Variants in NCAM1 observed in about 807,000 individuals in gnomAD.
NCAM1 encodes neural cell adhesion molecule 1.
NCAM1 carries 14 observed loss-of-function variants against 109.8 expected under a neutral mutation model. The ratio of observed to expected loss-of-function variants is 0.13; its 90% CI spans 0.08 to 0.20. The LOEUF (loss-of-function observed/expected upper bound fraction) is 0.20, where lower values mean the gene tolerates loss of function less well. Among genes scored for constraint, NCAM1 ranks in the 10% least tolerant of loss-of-function variants. The pLI, the probability that NCAM1 is intolerant of heterozygous loss-of-function variation, is 1.00. For missense variants in NCAM1, 774 were observed against 1,109.9 expected, an observed-to-expected ratio of 0.70 and a Z score of 4.30; for synonymous variants, 418 against 442.9, an observed-to-expected ratio of 0.94 and a Z score of 0.70.
Position 113,233,370 on chromosome 11 carries a change from A to G in NCAM1, c.1693+53A>G. 1.9e-6 allele frequency: 3 copies of G among 1,548,154 alleles called. No individual in the cohort carries two copies. The highest frequency in any genetic ancestry group is 2.6e-6 in the Non-Finnish European group (3 of 1,138,946). On this transcript the variant is annotated intron_variant, in intron 13 of 19. Transcript: ENST00000316851. This position sits in a 1 kb window ranked among gnomAD's most constrained non-coding sequence, Gnocchi z 4.5. ...TGGGATCATGAGTGCCTCAGTACTC[A>G]GATGTCCCCACCTGCCATCCTGGGC...
intron 1 of NCAM1, among the ~76,000 whole-genome samples, chr11:112,981,725 T>C (rs1458250929): frequency 1.3e-5 from 2 of 151,844 alleles, no homozygotes; most frequent in Non-Finnish European, 2.9e-5. Context: ...AGCTAACCCA[T>C]AGGAAATTAA....
intron 1 of NCAM1, among the ~76,000 whole-genome samples, chr11:113,182,072 T>C (rs944210561): frequency 2.6e-5 from 4 of 152,204 alleles, no homozygotes; most frequent in African/African-American, 7.2e-5. Flanking sequence ...GTTGGAATGA[T>C]GTTATTTGGT....
chr11:112,994,031 T>C (rs1555070991), intron 1 of NCAM1, among the ~76,000 whole-genome samples: 3 of 152,246 alleles, frequency 2.0e-5, no homozygotes, highest in African/African-American at 7.2e-5. Context: ...TGACCTTTCA[T>C]TGATCTTCTT....
chr11:113,206,008 G>A (rs1944226806), intron 4 of NCAM1, 35 bp from the exon 5 acceptor site: 2 of 1,612,968 alleles, frequency 1.2e-6, no homozygotes, highest in Non-Finnish European at 1.7e-6. Flanking sequence ...CTCTCTGACT[G>A]ATTCTTGGAT....
intron 1 of NCAM1, among the ~76,000 whole-genome samples, chr11:113,012,015 T>TTCCTTCCTTC (rs1555074534): frequency 0.049 from 4,714 of 97,060 alleles, 186 homozygotes; most frequent in East Asian, 0.069. Flanking sequence ...TTCCTTCCTT[T>TTCCTTCCTTC]CTTTCCTCTT....
At chr11:113,083,609 C>A (rs1445747048) in intron 1 of NCAM1, among the ~76,000 whole-genome samples, 1 of 152,180 alleles carries the variant, frequency 6.6e-6, no homozygotes, top group Non-Finnish European at 1.5e-5. Context: ...ATTGGAATTG[C>A]TTTTCAGTAT....
chr11:113,046,305 G>C lies in NCAM1; in HGVS notation c.52+84641G>C, dbSNP rs79488743. ...GTCAGGCAACTGACTTAAAAGCACA[G>C]AGCTCGTAAGAGAGGAGGGTGGGCT... is the stretch of plus-strand genomic sequence containing the variant. On this transcript the variant is annotated intron_variant, in intron 1 of 19. Coordinates refer to ENST00000316851, the MANE Select transcript of NCAM1 (RefSeq NM_181351.5). Among the ~76,000 whole-genome samples, 242 of 152,314 alleles carry C rather than the reference G, an allele frequency of 1.6e-3. 2 individuals carry two copies. In the East Asian group the frequency reaches 0.028, roughly 18 times the overall value.
In NCAM1 at chr11:113,277,077, A is replaced by G. The variant is rs1363557303; in HGVS notation, c.*1690A>G. ...TCAAACGGAATCGAAGCCTTTTAACAAAGAAAATGAAATACAGATGATGAT... is the reference window on the plus strand; with the variant it reads ...TCAAACGGAATCGAAGCCTTTTAACGAAGAAAATGAAATACAGATGATGAT... On this transcript the variant is annotated 3_prime_UTR_variant, in exon 20 of 20. Transcript: ENST00000316851. The G allele has an allele frequency of 2.8e-6, 1 of 358,844 alleles. No individual in the cohort carries two copies. The highest frequency in any genetic ancestry group is 5.0e-6 in the Non-Finnish European group (1 of 201,536). 22.2% of individuals were successfully genotyped at this position (358,844 alleles called of 1,614,324 possible).
chr11:113,263,326 A>T (rs1384149593), intron 17 of NCAM1: 1 of 1,004,286 alleles, frequency 1.0e-6, no homozygotes, highest in Non-Finnish European at 1.2e-6. Flanking sequence ...TCAGATTGTT[A>T]AAATCACCAC....
intron 18 of NCAM1, among the ~76,000 whole-genome samples, 184 bp from the exon 19 acceptor site, chr11:113,271,576 A>T (rs1946275496): frequency 6.6e-6 from 1 of 152,080 alleles, no homozygotes; most frequent in South Asian, 2.1e-4. Context: ...GGACTGAGGC[A>T]GGGTGATTAA....
chr11:113,036,021 G>A (rs1426066185), intron 1 of NCAM1, among the ~76,000 whole-genome samples: 3 of 151,916 alleles, frequency 2.0e-5, no homozygotes, highest in Non-Finnish European at 4.4e-5. Context: ...TCACTTCTCT[G>A]CTCCTGTCCT....
intron 1 of NCAM1, among the ~76,000 whole-genome samples, chr11:113,145,367 C>T (rs569126026): frequency 2.6e-5 from 4 of 152,308 alleles, no homozygotes; most frequent in South Asian, 2.1e-4. Flanking sequence ...TCATGCTCAA[C>T]GCTGGCAGTA....
chr11:113,142,515 G>T (rs1449328984), intron 1 of NCAM1, among the ~76,000 whole-genome samples: 12 of 152,164 alleles, frequency 7.9e-5, no homozygotes, highest in Non-Finnish European at 1.8e-4. Context: ...TAGGGGACAG[G>T]TACCAGTGTG....
chr11:113,106,115 A>C (rs967117769), intron 1 of NCAM1, among the ~76,000 whole-genome samples: 1 of 152,210 alleles, frequency 6.6e-6, no homozygotes, highest in Non-Finnish European at 1.5e-5. Flanking sequence ...TCTGAAAAAA[A>C]ACAAGTCCTG....
intron 1 of NCAM1, among the ~76,000 whole-genome samples, chr11:113,137,847 C>T (rs1941657714): frequency 6.6e-6 from 1 of 152,126 alleles, no homozygotes; most frequent in South Asian, 2.1e-4. Flanking sequence ...GCATGTTTGA[C>T]CAGTCGTGTT....
In NCAM1 at chr11:113,210,775, AACACACACACACACACACACACACAC is replaced by A. The variant is rs35387760; in HGVS notation, c.916+2795_916+2820del. ...GACACATACACCCCTCTTCATCACA[AACACACACACACACACACACACACAC>A]ACACACACACACACACACACATATT... On this transcript the variant is annotated intron_variant, in intron 7 of 19. Coordinates refer to ENST00000316851, the MANE Select transcript of NCAM1 (RefSeq NM_181351.5). 2.6e-3 allele frequency among the ~76,000 whole-genome samples: 342 copies of A among 130,980 alleles called. 9 individuals carry two copies. In the South Asian group the frequency reaches 0.028, roughly 11 times the overall value. 85.9% of individuals were successfully genotyped at this position (130,980 alleles called of 152,430 possible). A position where few individuals can be genotyped will look rare whatever the true frequency, so the allele number is the denominator to read the frequency against.
At chr11:113,034,180 C>A (rs1209519537) in intron 1 of NCAM1, among the ~76,000 whole-genome samples, 4 of 152,148 alleles carry the variant, frequency 2.6e-5, no homozygotes, top group Admixed American at 2.6e-4. Flanking sequence ...CAGTTTCTTT[C>A]TCTGTCTGTT....
chr11:113,236,378 C>T (rs1241035128), intron 14 of NCAM1: 13 of 1,569,082 alleles, frequency 8.3e-6, no homozygotes, highest in Admixed American at 3.3e-5. Flanking sequence ...AGTTCTAGTT[C>T]GTAATTTAGT....
chr11:112,966,293 A>G (rs1485522720), intron 1 of NCAM1, among the ~76,000 whole-genome samples: 1 of 152,204 alleles, frequency 6.6e-6, no homozygotes, highest in Non-Finnish European at 1.5e-5. Context: ...TCCTTTGGTT[A>G]AAAAGAAAGA....
Sources: gnomAD v4.1 joint callset for allele counts (sites outside exome capture counted in the v4.1 genomes callset) on GRCh38, gnomAD v4.1.1 for gene constraint, Gnocchi (gnomAD v3.1) non-coding constraint, MANE v1.5 for transcripts, NCBI Gene and HGNC (gene_info 2026-07-23, HGNC 2026-07-21) for gene names.